The following LGR4 variants were observed in gnomAD, a reference collection of about 807,000 sequenced individuals.
LGR4 encodes leucine-rich repeat-containing G protein-coupled receptor 4.
In LGR4, 44 loss-of-function variants were observed where a neutral mutation model predicts 84.8. That is an observed-to-expected ratio of 0.52 (90% CI 0.41 to 0.67). The LOEUF (loss-of-function observed/expected upper bound fraction) is 0.67, where lower values mean the gene tolerates loss of function less well. Among genes scored for constraint, LGR4 ranks in the 30% least tolerant of loss-of-function variants. The pLI, the probability that LGR4 is intolerant of heterozygous loss-of-function variation, is 0.00. For synonymous variants in LGR4, 429 were observed against 434.3 expected (o/e 0.99, Z 0.15); for missense variants, 1,032 against 1,131.4 (o/e 0.91, Z 1.26).
intron 13 of LGR4, 147 bp downstream of exon 13, chr11:27,376,152 A>G: frequency 2.0e-6 from 1 of 508,088 alleles, no homozygotes; most frequent in East Asian, 3.9e-5. Context: ...AATTTTTTGT[A>G]TTTAGTAGAG....
chr11:27,382,925 G>A (rs1190704036), intron 6 of LGR4, among the ~76,000 whole-genome samples: 4 of 152,172 alleles, frequency 2.6e-5, no homozygotes, highest in African/African-American at 9.7e-5. Flanking sequence ...GCTGAGACAG[G>A]AGAATCTCTT....
intron 1 of LGR4, among the ~76,000 whole-genome samples, chr11:27,441,648 AAG>A (rs111233133): frequency 0.01 from 1,557 of 152,144 alleles, 22 homozygotes; most frequent in African/African-American, 0.035. Flanking sequence ...TTTTCTTAAA[AAG>A]AGAGAGAGAG....
Position 27,368,638 on chromosome 11 carries a change from T to C in LGR4, c.2085A>G (p.Pro695=), listed in dbSNP as rs561587043. ...ATGATGGCGTTTCACCTGTAGGAAA[T>C]GGCAAACAAAGGGGTGATGCAGAAT... The part of the protein sequence containing the change: ...GEYSASPLCL[P]FPTGETPSLG... The change falls in exon 18 of 18, where the codon CCA becomes CCG. Residue 695 remains proline (P), a synonymous_variant. Coordinates refer to ENST00000379214, the MANE Select transcript of LGR4 (RefSeq NM_018490.5). The C allele has an allele frequency of 6.2e-7, 1 of 1,613,870 alleles. No homozygotes were observed. The highest frequency in any genetic ancestry group is 8.5e-7 in the Non-Finnish European group (1 of 1,179,972).
chr11:27,430,891 A>C (rs1160067157), intron 1 of LGR4, among the ~76,000 whole-genome samples: 38 of 138,912 alleles, frequency 2.7e-4, no homozygotes, highest in Admixed American at 6.7e-4. Flanking sequence ...TCCCCACCCC[A>C]CTCCCAGCTC....
chr11:27,429,788 CAAAGGA>C (rs1864085255), intron 1 of LGR4, among the ~76,000 whole-genome samples: 1 of 151,978 alleles, frequency 6.6e-6, no homozygotes, highest in Non-Finnish European at 1.5e-5. Context: ...TTTAAAAGAG[CAAAGGA>C]AAAGAAACAC....
chr11:27,386,193 A>C (rs1288084082), intron 4 of LGR4, among the ~76,000 whole-genome samples: 2 of 152,218 alleles, frequency 1.3e-5, no homozygotes, highest in African/African-American at 4.8e-5. Context: ...CAATTTTTCC[A>C]AAAATTTTGG....
At chr11:27,370,729 TA>T (rs1299960805) in intron 17 of LGR4, among the ~76,000 whole-genome samples, 4 of 152,190 alleles carry the variant, frequency 2.6e-5, no homozygotes, top group Non-Finnish European at 5.9e-5. Flanking sequence ...GCCCCCCCTT[TA>T]ATAAACCTGT....
intron 2 of LGR4, among the ~76,000 whole-genome samples, chr11:27,399,912 T>C (rs1863466464): frequency 6.6e-6 from 1 of 152,210 alleles, no homozygotes; most frequent in South Asian, 2.1e-4. Context: ...TTCAGAACTA[T>C]GTTGGCTCCT....
intron 4 of LGR4, among the ~76,000 whole-genome samples, chr11:27,388,060 G>A (rs1863218422): frequency 6.6e-6 from 1 of 152,088 alleles, no homozygotes; most frequent in Admixed American, 6.6e-5. Context: ...AACAATAAAA[G>A]CATGGATACA....
intron 1 of LGR4, among the ~76,000 whole-genome samples, chr11:27,414,205 G>C (rs1009771591): frequency 1.3e-5 from 2 of 152,064 alleles, no homozygotes; most frequent in Non-Finnish European, 2.9e-5. Context: ...ATGACCTTAA[G>C]TGCAAACGAT....
chr11:27,391,934 T>G (rs1439563780), intron 3 of LGR4, among the ~76,000 whole-genome samples: 1 of 152,130 alleles, frequency 6.6e-6, no homozygotes, highest in Non-Finnish European at 1.5e-5. Flanking sequence ...GTGGGGGCAG[T>G]CAGTTCACCT....
chr11:27,380,602 A>G (rs765760096), intron 9 of LGR4, 38 bp downstream of exon 9: 13 of 1,310,632 alleles, frequency 9.9e-6, no homozygotes, highest in East Asian at 2.3e-5. Context: ...AAACAACTGT[A>G]TAAATATCCA....
intron 1 of LGR4, among the ~76,000 whole-genome samples, chr11:27,427,245 A>C (rs113583344): frequency 6.6e-6 from 1 of 152,234 alleles, no homozygotes; most frequent in Non-Finnish European, 1.5e-5. Context: ...GTTGATCAAC[A>C]TATCTTTATT....
intron 1 of LGR4, among the ~76,000 whole-genome samples, chr11:27,454,690 G>A (rs1864541683): frequency 6.6e-6 from 1 of 151,832 alleles, no homozygotes; most frequent in African/African-American, 2.4e-5. Context: ...GAACCAGGGC[G>A]GTGGTGGTTG....
intron 1 of LGR4, 89 bp downstream of exon 1, chr11:27,472,029 G>A (rs1864883586): frequency 2.0e-6 from 2 of 1,009,676 alleles, no homozygotes; most frequent in Non-Finnish European, 2.6e-6. Context: ...GCGGGGTGGG[G>A]TGGGACTGAC....
intron 1 of LGR4, among the ~76,000 whole-genome samples, chr11:27,461,836 ATT>A (rs35205372): frequency 2.6e-5 from 2 of 76,578 alleles, no homozygotes; most frequent in Non-Finnish European, 2.3e-5. Flanking sequence ...TTGAGTTAGG[ATT>A]TTTTTTTTTT....
chr11:27,423,082 AT>A (rs746551673), intron 1 of LGR4, among the ~76,000 whole-genome samples: 4 of 152,216 alleles, frequency 2.6e-5, no homozygotes, highest in Non-Finnish European at 5.9e-5. Flanking sequence ...TGATTTTAAG[AT>A]TAAAAAAACA....
chr11:27,453,333 C>G (rs1358942317), intron 1 of LGR4, among the ~76,000 whole-genome samples: 1 of 152,214 alleles, frequency 6.6e-6, no homozygotes, highest in Non-Finnish European at 1.5e-5. Context: ...TCCCAAAGTG[C>G]TGGGATTACA....
chr11:27,453,019 C>T lies in LGR4; in HGVS notation c.185+19099G>A, dbSNP rs192872059. Among the ~76,000 whole-genome samples, 5 of 151,742 alleles carry T rather than the reference C, an allele frequency of 3.3e-5. No individual in the cohort carries two copies. In the East Asian group the frequency reaches 9.7e-4, roughly 29 times the overall value. On this transcript the variant is annotated intron_variant, in intron 1 of 17. Transcript: ENST00000379214. ...TCTTTTATTTTCTTTTTTAATGTTCCTACATGCACAGTGACTTTTATGTTT... is the reference window on the plus strand; with the variant it reads ...TCTTTTATTTTCTTTTTTAATGTTCTTACATGCACAGTGACTTTTATGTTT...
Sources: gnomAD v4.1 joint callset for allele counts (sites outside exome capture counted in the v4.1 genomes callset) on GRCh38, gnomAD v4.1.1 for gene constraint, MANE v1.5 for transcripts, NCBI Gene and HGNC (gene_info 2026-07-23, HGNC 2026-07-21) for gene names.